Variants in COL16A1 observed in about 807,000 individuals in gnomAD.
COL16A1 encodes collagen alpha-1(XVI) chain.
Under a neutral mutation model 266.3 loss-of-function variants are expected in COL16A1, and 189 were observed. The ratio of observed to expected loss-of-function variants is 0.71; its 90% CI spans 0.63 to 0.80. The LOEUF is 0.80. Among genes scored for constraint, COL16A1 ranks in the 30% least tolerant of loss-of-function variants. The pLI is 0.00. For missense variants in COL16A1, 1,928 were observed against 2,122.4 expected, an observed-to-expected ratio of 0.91 and a Z score of 1.80; for synonymous variants, 740 against 782.3, an observed-to-expected ratio of 0.95 and a Z score of 0.90.
chr1:31,697,105 CGG>C lies in COL16A1; in HGVS notation c.739-19_739-18del. On this transcript the variant is annotated intron_variant, in intron 7 of 70. Coordinates refer to ENST00000373672, the MANE Select transcript of COL16A1 (RefSeq NM_001856.4). This position sits in a 1 kb window ranked among gnomAD's most constrained non-coding sequence, Gnocchi z 4.2. Reference sequence around the variant, plus strand: ...TGGGGGGCACTGTTTGGTGGAAGAGCGGGGCTAGGGTCAGTACAGGAGCAGAC... The same window carrying C: ...TGGGGGGCACTGTTTGGTGGAAGAGCGGCTAGGGTCAGTACAGGAGCAGAC... The C allele has an allele frequency of 6.2e-7, 1 of 1,613,998 alleles. No individual in the cohort carries two copies. The highest frequency in any genetic ancestry group is 8.5e-7 in the Non-Finnish European group (1 of 1,179,974).
chr1:31,656,672 G>T lies in COL16A1; in HGVS notation c.4057-228C>A, dbSNP rs997993774. On this transcript the variant is annotated intron_variant, in intron 65 of 70. Transcript: ENST00000373672. This position sits in a 1 kb window ranked among gnomAD's most constrained non-coding sequence, Gnocchi z 4.2. ...TGTTGGCTGGGCCCCCATCACAGAT[G>T]AAGAGAGGCGAGAAGTCAGAATGAG... Among the ~76,000 whole-genome samples, 2 of 152,218 alleles carry T rather than the reference G, an allele frequency of 1.3e-5. No homozygotes were observed. Among genetic ancestry groups the T allele is most frequent in the Non-Finnish European group, 2.9e-5 (2 of 68,028 alleles).
chr1:31,697,886 G>C lies in COL16A1; in HGVS notation c.657+20C>G. 6.3e-7 allele frequency: 1 copy of C among 1,591,080 alleles called. No homozygotes were observed. Among genetic ancestry groups the C allele is most frequent in the Non-Finnish European group, 8.6e-7 (1 of 1,166,850 alleles). On this transcript the variant is annotated intron_variant, in intron 6 of 70. Coordinates refer to ENST00000373672, the MANE Select transcript of COL16A1 (RefSeq NM_001856.4). The surrounding 1 kb of genome is among the most constrained non-coding windows in gnomAD (Gnocchi z 4.2). ...TCCCAGAAGGCAGGAACAGAGGTCA[G>C]GGCCTGACCTAGCACTCACCGAGAC...
chr1:31,697,786 A>G lies in COL16A1; in HGVS notation c.657+120T>C. 8.0e-7 allele frequency: 1 copy of G among 1,248,392 alleles called. No homozygotes were observed. Among genetic ancestry groups the G allele is most frequent in the Non-Finnish European group, 1.1e-6 (1 of 903,580 alleles). 77.3% of individuals were successfully genotyped at this position (1,248,392 alleles called of 1,614,324 possible). ...TATGTTTAGGCTGCATTTGGAGGGC[A>G]ACAGGAAAGCAGGGGAAGATTCTAA... On this transcript the variant is annotated intron_variant, in intron 6 of 70. Transcript: ENST00000373672. The surrounding 1 kb of genome is among the most constrained non-coding windows in gnomAD (Gnocchi z 4.2).
At chr1:31,679,553 C>T in intron 42 of COL16A1, 79 bp downstream of exon 42, 1 of 1,613,984 alleles carries the variant, frequency 6.2e-7, no homozygotes, top group Non-Finnish European at 8.5e-7. Flanking sequence ...GAGCAGCATC[C>T]TTGGGGTCCA....
At chr1:31,661,559 C>G in intron 59 of COL16A1, 101 bp from the exon 60 acceptor site, 1 of 1,612,582 alleles carries the variant, frequency 6.2e-7, no homozygotes, top group Non-Finnish European at 8.5e-7. Context: ...AATCCAAAGT[C>G]ATAACACGGT....
At chr1:31,662,688 C>G in intron 56 of COL16A1, 30 bp from the exon 57 acceptor site, 2 of 1,078,420 alleles carry the variant, frequency 1.9e-6, no homozygotes, top group Non-Finnish European at 2.6e-6. Flanking sequence ...CCCCCCCCCG[C>G]CCCACAATAA....
intron 62 of COL16A1, chr1:31,660,270 C>T: frequency 3.5e-6 from 1 of 281,892 alleles, no homozygotes; most frequent in Non-Finnish European, 6.6e-6. Context: ...ACCCCTGGTT[C>T]TTCTCTTTCT....
At chr1:31,654,479 AG>A (rs1640925186) in intron 68 of COL16A1, among the ~76,000 whole-genome samples, 1 of 150,898 alleles carries the variant, frequency 6.6e-6, no homozygotes, top group Non-Finnish European at 1.5e-5. Flanking sequence ...GCCATCTTAC[AG>A]TGCCGCTCGC....
chr1:31,666,037 C>T lies in COL16A1; in HGVS notation c.3402G>A (p.Ala1134=), dbSNP rs372761426. The change falls in exon 53 of 71, where the codon GCG becomes GCA. Residue 1134 remains alanine (A), a splice_region_variant and synonymous_variant. Transcript: ENST00000373672. ...TCTCCCCATGCCCTCCTTCACTCACCGCTGGGCCTGGGGGGCCTGGGAGGC... is the reference window on the plus strand; with the variant it reads ...TCTCCCCATGCCCTCCTTCACTCACTGCTGGGCCTGGGGGGCCTGGGAGGC... ...SEGLPGPPGP[A]GPRGERGPQG... is the part of the protein sequence containing the mutation. 5.4e-5 allele frequency: 87 copies of T among 1,613,990 alleles called. No homozygotes were observed. The highest frequency in any genetic ancestry group is 2.8e-4 in the African/African-American group (21 of 75,036).
intron 64 of COL16A1, 150 bp downstream of exon 64, chr1:31,658,338 G>T: frequency 4.2e-6 from 3 of 709,758 alleles, no homozygotes; most frequent in South Asian, 1.7e-5. Context: ...AATTCAGCAT[G>T]ATCCTCAGGC....
At position 31,668,686 on chromosome 1, in the gene COL16A1, T is replaced by C; in HGVS notation, c.3249+116A>G. 8.8e-7 allele frequency: 1 copy of C among 1,131,766 alleles called. No homozygotes were observed. Among genetic ancestry groups the C allele is most frequent in the South Asian group, 1.3e-5 (1 of 79,270 alleles). The allele number at this position is 1,131,766 out of a possible 1,614,324, so 70.1% of individuals were successfully genotyped here. A position where few individuals can be genotyped will look rare whatever the true frequency, so the allele number is the denominator to read the frequency against. The stretch of plus-strand genomic sequence containing the variant: ...AATCCCGGCAGAAGGGCAGAGAGTC[T>C]CAAGGAGTCCACCTCCCAGCTTCCA... On this transcript the variant is annotated intron_variant, in intron 50 of 70. Transcript: ENST00000373672. This position sits in a 1 kb window ranked among gnomAD's most constrained non-coding sequence, Gnocchi z 5.8.
At chr1:31,665,960 G>A (rs1642102852) in intron 53 of COL16A1, 25 bp from the exon 54 acceptor site, 16 of 1,614,026 alleles carry the variant, frequency 9.9e-6, no homozygotes, top group Non-Finnish European at 1.3e-5. Flanking sequence ...GAACAATGCA[G>A]CCGAAACCTA....
intron 10 of COL16A1, 48 bp downstream of exon 10, chr1:31,695,713 G>A (rs1557692411): frequency 1.3e-6 from 2 of 1,599,258 alleles, no homozygotes; most frequent in Non-Finnish European, 1.7e-6. Context: ...CTGGTGCAAA[G>A]GGTTCATGCT....
rs569420280 is a variant in COL16A1 at position 31,696,070 on chromosome 1, C to T, written c.918+18G>A. On this transcript the variant is annotated intron_variant, in intron 9 of 70. Coordinates refer to ENST00000373672, the MANE Select transcript of COL16A1 (RefSeq NM_001856.4). ...AGACTGAGGGCAGGTAGGCTCCTCC[C>T]CCCACCCCCACCTCTACCTTTGCTC... 2.4e-5 allele frequency: 38 copies of T among 1,598,850 alleles called. No homozygotes were observed. In the African/African-American group the frequency reaches 4.4e-4, roughly 19 times the overall value.
intron 31 of COL16A1, 45 bp from the exon 32 acceptor site, chr1:31,684,276 G>A: frequency 6.9e-7 from 1 of 1,451,182 alleles, no homozygotes; most frequent in Admixed American, 2.8e-5. Context: ...GCCGGGGCTG[G>A]CACCCAGGCC....
Position 31,656,204 on chromosome 1 carries a change from G to T in COL16A1, c.4101+196C>A, listed in dbSNP as rs2148651002. On this transcript the variant is annotated intron_variant, in intron 66 of 70. Transcript: ENST00000373672. The surrounding 1 kb of genome is among the most constrained non-coding windows in gnomAD (Gnocchi z 4.2). ...TCAATCAGTGAGTAAATGAACTGGA[G>T]ATTTCCTTCCCCCCAACCACAGCTA... is the stretch of plus-strand genomic sequence containing the variant. 3.7e-6 allele frequency: 3 copies of T among 815,470 alleles called. No homozygotes were observed. Among genetic ancestry groups the T allele is most frequent in the East Asian group, 5.5e-5 (2 of 36,184 alleles). 50.5% of individuals were successfully genotyped at this position (815,470 alleles called of 1,614,324 possible).
chr1:31,698,660 G>A lies in COL16A1; in HGVS notation c.267-54C>T. 4 of 1,601,118 alleles carry A rather than the reference G, an allele frequency of 2.5e-6. No homozygotes were observed. Among genetic ancestry groups the A allele is most frequent in the Non-Finnish European group, 3.4e-6 (4 of 1,175,618 alleles). On this transcript the variant is annotated intron_variant, in intron 4 of 70. Coordinates refer to ENST00000373672, the MANE Select transcript of COL16A1 (RefSeq NM_001856.4). This position sits in a 1 kb window ranked among gnomAD's most constrained non-coding sequence, Gnocchi z 4.1. ...AGGCTCCAATGAGGACCCAAATGCT[G>A]CCCACCCTGAGCCCTCAGGACTGCT...
At position 31,689,765 on chromosome 1, in the gene COL16A1, C is replaced by A. The variant is rs1435482100; in HGVS notation, c.1596G>T (p.Glu532Asp). 3.7e-6 allele frequency: 6 copies of A among 1,613,976 alleles called. No individual in the cohort carries two copies. The highest frequency in any genetic ancestry group is 5.1e-6 in the Non-Finnish European group (6 of 1,179,980). Reference protein sequence around the residue: ...GLPGKPGPKGEPGDPVPARGD... With the variant: ...GLPGKPGPKGDPGDPVPARGD... The stretch of plus-strand genomic sequence containing the variant: ...CCCTGGCTGGTACAGGATCACCAGG[C>A]TCCCCTTTGGGCCCTGGCTTTCCAG... The change falls in exon 23 of 71, where the codon GAG (glutamate) becomes GAT (aspartate). Residue 532 changes from glutamate to aspartate, a missense_variant. Glu to Asp is a conservative substitution (Grantham distance 45, BLOSUM62 2). Transcript: ENST00000373672.
At chr1:31,699,956 G>T in intron 3 of COL16A1, 26 bp from the exon 4 acceptor site, 2 of 1,593,352 alleles carry the variant, frequency 1.3e-6, no homozygotes, top group East Asian at 2.2e-5. Context: ...CAGGTGAAGA[G>T]CTCAGCTGAG....
Sources: gnomAD v4.1 joint callset for allele counts (sites outside exome capture counted in the v4.1 genomes callset) on GRCh38, gnomAD v4.1.1 for gene constraint, Gnocchi (gnomAD v3.1) non-coding constraint, MANE v1.5 for transcripts, NCBI Gene and HGNC (gene_info 2026-07-23, HGNC 2026-07-21) for gene names.